Variants in PTPRN2 observed in about 807,000 individuals in gnomAD.
The protein encoded by PTPRN2 is protein tyrosine phosphatase receptor type N2.
A neutral mutation model predicts 118.8 loss-of-function variants in PTPRN2; 74 were observed. That is an observed-to-expected ratio of 0.62 (90% CI 0.52 to 0.76). The LOEUF is 0.76. Ranked by LOEUF, PTPRN2 falls within the 30% of genes least tolerant of loss-of-function variation. PTPRN2 has a pLI of 0.00. For missense variants in PTPRN2, 1,481 were observed against 1,394.4 expected (o/e 1.06, Z -0.99); for synonymous variants, 641 against 608.0 (o/e 1.05, Z -0.80).
At chr7:158,543,269 TC>T in intron 1 of PTPRN2, among the ~76,000 whole-genome samples, 1 of 151,904 alleles carries the variant, frequency 6.6e-6, no homozygotes, top group African/African-American at 2.4e-5. Context: ...CCTCCAACCC[TC>T]CCCACCCCGA....
chr7:157,604,793 G>A (rs991996883), intron 15 of PTPRN2, among the ~76,000 whole-genome samples: 1 of 152,260 alleles, frequency 6.6e-6, no homozygotes, highest in African/African-American at 2.4e-5. Context: ...CGGGGGGACA[G>A]TAGGCACTTG....
intron 2 of PTPRN2, among the ~76,000 whole-genome samples, chr7:158,472,912 A>G (rs1464671904): frequency 1.3e-5 from 2 of 152,190 alleles, no homozygotes; most frequent in Non-Finnish European, 2.9e-5. Context: ...GCTGCAAATC[A>G]GGTCCCAAAT....
intron 2 of PTPRN2, among the ~76,000 whole-genome samples, chr7:158,320,612 G>A (rs900237279): frequency 5.3e-5 from 8 of 152,220 alleles, no homozygotes; most frequent in South Asian, 4.1e-4. Flanking sequence ...ACTTGGAGGC[G>A]TCCATGTTCC....
chr7:157,604,500 T>G (rs1801886128), intron 15 of PTPRN2, among the ~76,000 whole-genome samples: 1 of 152,178 alleles, frequency 6.6e-6, no homozygotes, highest in African/African-American at 2.4e-5. Flanking sequence ...TCTGCAGAAT[T>G]TTATACCATG....
At chr7:158,510,452 CTCT>C in intron 1 of PTPRN2, among the ~76,000 whole-genome samples, 1 of 114,948 alleles carries the variant, frequency 8.7e-6, no homozygotes, top group Middle Eastern at 4.3e-3. Context: ...TACTCTCTCT[CTCT>C]CTCTCTCTCT....
rs1020511877 is a variant in PTPRN2 at position 157,808,692 on chromosome 7, C to G, written c.1788+89981G>C. 1.3e-5 allele frequency among the ~76,000 whole-genome samples: 2 copies of G among 152,120 alleles called. No homozygotes were observed. The highest frequency in any genetic ancestry group is 2.9e-5 in the Non-Finnish European group (2 of 68,020). ...AATTAAGTGCACAGTAAATGTAATG[C>G]GTTTGAATCATCCTGAAACCTTCCC... On this transcript the variant is annotated intron_variant, in intron 12 of 22. Transcript: ENST00000389418. This position sits in a 1 kb window ranked among gnomAD's most constrained non-coding sequence, Gnocchi z 5.0.
chr7:158,319,452 GCA>G (rs568209646), intron 2 of PTPRN2, among the ~76,000 whole-genome samples: 1 of 39,150 alleles, frequency 2.6e-5, no homozygotes. Context: ...CCTCACACAC[GCA>G]CACAGCCTCC....
intron 10 of PTPRN2, among the ~76,000 whole-genome samples, chr7:158,094,928 C>T (rs533397769): frequency 7.9e-5 from 12 of 152,274 alleles, no homozygotes; most frequent in African/African-American, 2.9e-4. Flanking sequence ...TCTCTGGACA[C>T]GCAGGCTGCT....
chr7:158,334,928 C>A (rs1805294593), intron 2 of PTPRN2, among the ~76,000 whole-genome samples: 1 of 13,374 alleles, frequency 7.5e-5, no homozygotes. Flanking sequence ...ACCATAAGCG[C>A]TGTCGTCCGG....
At chr7:158,501,161 C>T (rs1394417136) in intron 1 of PTPRN2, among the ~76,000 whole-genome samples, 2 of 152,216 alleles carry the variant, frequency 1.3e-5, no homozygotes, top group Non-Finnish European at 2.9e-5. Context: ...TCGTGCCTTC[C>T]CAGGCAAAGC....
intron 11 of PTPRN2, 70 bp downstream of exon 11, chr7:158,081,228 G>C (rs1449726718): frequency 7.1e-7 from 1 of 1,406,288 alleles, no homozygotes; most frequent in Non-Finnish European, 1.0e-6. Context: ...CTGTGCATGT[G>C]CGTGTTTGCG....
At chr7:158,423,757 C>T (rs2129424323) in intron 2 of PTPRN2, among the ~76,000 whole-genome samples, 1 of 152,252 alleles carries the variant, frequency 6.6e-6, no homozygotes, top group Non-Finnish European at 1.5e-5. Context: ...GTGTTCCGCC[C>T]ACCTCCGCCT....
At chr7:157,860,831 G>A (rs916170981) in intron 12 of PTPRN2, among the ~76,000 whole-genome samples, 3 of 152,222 alleles carry the variant, frequency 2.0e-5, no homozygotes, top group East Asian at 1.9e-4. Flanking sequence ...GGCCACTGAC[G>A]GCCGGGGCTG....
chr7:157,796,067 G>A (rs542927921), intron 12 of PTPRN2, among the ~76,000 whole-genome samples: 13 of 152,290 alleles, frequency 8.5e-5, no homozygotes, highest in African/African-American at 2.2e-4. Flanking sequence ...AAACACACGC[G>A]TTCCAGGACG....
At chr7:158,078,510 C>T (rs1464521036) in intron 11 of PTPRN2, among the ~76,000 whole-genome samples, 1 of 152,250 alleles carries the variant, frequency 6.6e-6, no homozygotes, top group Non-Finnish European at 1.5e-5. Flanking sequence ...AAACACAAAC[C>T]ATAAGAAACT....
chr7:158,085,303 CCACACCCA>C (rs1813238833), intron 10 of PTPRN2, among the ~76,000 whole-genome samples: 1 of 130,806 alleles, frequency 7.6e-6, no homozygotes, highest in African/African-American at 3.1e-5. Context: ...CGACGCCCAT[CCACACCCA>C]CGACGCCCAT....
At chr7:158,266,900 G>T (rs944636130) in intron 3 of PTPRN2, among the ~76,000 whole-genome samples, 4 of 152,194 alleles carry the variant, frequency 2.6e-5, no homozygotes, top group Non-Finnish European at 5.9e-5. Flanking sequence ...TTCAGATGCC[G>T]CTGTGGGGCC....
chr7:158,017,837 C>T (rs757027616), intron 11 of PTPRN2, among the ~76,000 whole-genome samples: 68 of 152,292 alleles, frequency 4.5e-4, no homozygotes, highest in Non-Finnish European at 8.1e-4. Flanking sequence ...AAGGAGCTTC[C>T]GAGACAGAAG....
intron 2 of PTPRN2, among the ~76,000 whole-genome samples, chr7:158,485,176 G>A (rs1003743757): frequency 6.6e-6 from 1 of 152,062 alleles, no homozygotes; most frequent in African/African-American, 2.4e-5. Flanking sequence ...CGACAGGTGT[G>A]TAGCTGAGCC....
Sources: gnomAD v4.1 joint callset for allele counts (sites outside exome capture counted in the v4.1 genomes callset) on GRCh38, gnomAD v4.1.1 for gene constraint, Gnocchi (gnomAD v3.1) non-coding constraint, MANE v1.5 for transcripts, NCBI Gene and HGNC (gene_info 2026-07-23, HGNC 2026-07-21) for gene names.